Variants in MCTP1 observed in about 807,000 individuals in gnomAD.
The protein encoded by MCTP1 is multiple C2 and transmembrane domain-containing protein 1.
In MCTP1, 69 loss-of-function variants were observed where a neutral mutation model predicts 120.6. The ratio of observed to expected loss-of-function variants is 0.57; its 90% CI spans 0.47 to 0.70. The LOEUF (loss-of-function observed/expected upper bound fraction) is 0.70, where lower values mean the gene tolerates loss of function less well. MCTP1 is among the 30% of genes least tolerant of loss of function. The pLI is 0.00. For missense variants in MCTP1, 1,203 were observed against 1,248.8 expected (o/e 0.96, Z 0.55); for synonymous variants, 529 against 493.1 (o/e 1.07, Z -0.96).
chr5:95,056,772 C>T (rs1276613129), intron 1 of MCTP1, among the ~76,000 whole-genome samples: 1 of 152,052 alleles, frequency 6.6e-6, no homozygotes. Flanking sequence ...ATGTTACTCT[C>T]GTCAGTTCTC....
intron 19 of MCTP1, among the ~76,000 whole-genome samples, chr5:94,723,270 TTATTTAAGGTTAACAGGA>T (rs1269327701): frequency 8.5e-5 from 13 of 152,168 alleles, no homozygotes; most frequent in Admixed American, 2.6e-4. Context: ...GACACTGAAG[TTATTTAAGGTTAACAGGA>T]TATTTAAGGT....
intron 1 of MCTP1, among the ~76,000 whole-genome samples, chr5:95,206,621 G>A (rs928548295): frequency 1.3e-5 from 2 of 152,132 alleles, no homozygotes; most frequent in South Asian, 2.1e-4. Context: ...TACAACTTCC[G>A]CCTCTCGGAT....
chr5:94,930,383 C>T (rs1814355339), intron 6 of MCTP1, among the ~76,000 whole-genome samples: 1 of 147,892 alleles, frequency 6.8e-6, no homozygotes, highest in African/African-American at 2.5e-5. Context: ...AAGCGATTCT[C>T]CTGCCTCAGC....
At chr5:95,267,118 T>C (rs1181579608) in intron 1 of MCTP1, among the ~76,000 whole-genome samples, 1 of 152,236 alleles carries the variant, frequency 6.6e-6, no homozygotes, top group African/African-American at 2.4e-5. Context: ...CAGGAAAATA[T>C]GAACAAATTA....
intron 18 of MCTP1, among the ~76,000 whole-genome samples, chr5:94,796,614 AATAT>A (rs1057485949): frequency 6.5e-5 from 6 of 91,942 alleles, no homozygotes; most frequent in Admixed American, 2.6e-4. Context: ...TAATATATAT[AATAT>A]ATATAATATA....
At chr5:95,212,625 G>C (rs1156650288) in intron 1 of MCTP1, among the ~76,000 whole-genome samples, 1 of 151,800 alleles carries the variant, frequency 6.6e-6, no homozygotes, top group Non-Finnish European at 1.5e-5. Context: ...TAAAATACTG[G>C]CAAACCGAAT....
intron 1 of MCTP1, among the ~76,000 whole-genome samples, chr5:95,086,925 T>C (rs1195599299): frequency 6.6e-6 from 1 of 152,214 alleles, no homozygotes; most frequent in Non-Finnish European, 1.5e-5. Context: ...GTAAGTACAT[T>C]TGCAAACAAT....
chr5:95,101,219 C>T (rs998869373), intron 1 of MCTP1, among the ~76,000 whole-genome samples: 8 of 152,126 alleles, frequency 5.3e-5, no homozygotes, highest in African/African-American at 1.7e-4. Flanking sequence ...ACAGAATCCA[C>T]ATTTTAAAAA....
At chr5:94,847,942 G>A (rs188188641) in intron 17 of MCTP1, among the ~76,000 whole-genome samples, 10 of 152,054 alleles carry the variant, frequency 6.6e-5, no homozygotes, top group South Asian at 4.2e-4. Flanking sequence ...CAACTTCAGC[G>A]TCATTTAGCT....
intron 16 of MCTP1, among the ~76,000 whole-genome samples, chr5:94,869,715 G>C (rs533200334): frequency 9.9e-5 from 15 of 152,096 alleles, no homozygotes; most frequent in Non-Finnish European, 1.6e-4. Flanking sequence ...TTTTAGTTTA[G>C]TTCTGTGAAT....
chr5:94,986,458 A>G (rs1319908667), intron 2 of MCTP1, among the ~76,000 whole-genome samples: 2 of 152,194 alleles, frequency 1.3e-5, no homozygotes, highest in Non-Finnish European at 2.9e-5. Flanking sequence ...TTCCCAAACA[A>G]CCAGTAGTTC....
intron 10 of MCTP1, among the ~76,000 whole-genome samples, chr5:94,903,351 T>C (rs1044875323): frequency 9.2e-5 from 14 of 152,186 alleles, no homozygotes; most frequent in African/African-American, 3.4e-4. Context: ...TGTCAAATGC[T>C]CAAATGTATT....
At chr5:95,178,808 T>A (rs1460962841) in intron 1 of MCTP1, among the ~76,000 whole-genome samples, 1 of 152,144 alleles carries the variant, frequency 6.6e-6, no homozygotes, top group Non-Finnish European at 1.5e-5. Flanking sequence ...TCACCAGTAA[T>A]GGATCCAAAC....
intron 1 of MCTP1, among the ~76,000 whole-genome samples, chr5:95,052,996 C>T (rs1457133172): frequency 1.3e-5 from 2 of 152,124 alleles, no homozygotes; most frequent in Admixed American, 6.5e-5. Context: ...AAAGTTACTA[C>T]AGCAAAGTAA....
chr5:95,109,136 G>A (rs534537129), intron 1 of MCTP1, among the ~76,000 whole-genome samples: 2 of 152,192 alleles, frequency 1.3e-5, no homozygotes, highest in African/African-American at 2.4e-5. Flanking sequence ...TTCAGATTTG[G>A]TTGCTCCCAT....
At chr5:95,206,216 T>A (rs1009638781) in intron 1 of MCTP1, among the ~76,000 whole-genome samples, 1 of 152,196 alleles carries the variant, frequency 6.6e-6, no homozygotes, top group Non-Finnish European at 1.5e-5. Flanking sequence ...TACTAATACA[T>A]GTTATAACAT....
chr5:95,155,200 T>C (rs919050481), intron 1 of MCTP1, among the ~76,000 whole-genome samples: 2 of 152,046 alleles, frequency 1.3e-5, no homozygotes, highest in African/African-American at 4.8e-5. Flanking sequence ...TAAGGGAGAA[T>C]TGCATGACTA....
At chr5:94,765,254 G>A (rs1772323374) in intron 19 of MCTP1, among the ~76,000 whole-genome samples, 1 of 152,138 alleles carries the variant, frequency 6.6e-6, no homozygotes, top group East Asian at 1.9e-4. Flanking sequence ...GCAGTGCTAC[G>A]AGGGCCATTT....
intron 17 of MCTP1, among the ~76,000 whole-genome samples, chr5:94,857,490 A>T (rs1794932740): frequency 6.6e-6 from 1 of 151,714 alleles, no homozygotes; most frequent in Non-Finnish European, 1.5e-5. Flanking sequence ...ATTTGTGACA[A>T]ACACTGATGG....
Sources: gnomAD v4.1 joint callset for allele counts (sites outside exome capture counted in the v4.1 genomes callset) on GRCh38, gnomAD v4.1.1 for gene constraint, MANE v1.5 for transcripts, NCBI Gene and HGNC (gene_info 2026-07-23, HGNC 2026-07-21) for gene names.